Variants in SNAP25 observed in about 807,000 individuals in gnomAD.
SNAP25 encodes the protein synaptosomal-associated protein 25.
Under a neutral mutation model 28.7 loss-of-function variants are expected in SNAP25, and 3 were observed. The observed-to-expected ratio is 0.10, with a 90% CI of 0.05 to 0.27. The LOEUF (loss-of-function observed/expected upper bound fraction) is 0.27, where lower values mean the gene tolerates loss of function less well. Ranked by LOEUF, SNAP25 falls within the 10% of genes least tolerant of loss-of-function variation. The probability of loss-of-function intolerance (pLI) is 1.00; values close to 1 mark genes in which losing one functional copy is unlikely to be tolerated. For synonymous variants in SNAP25, 61 were observed against 88.1 expected (o/e 0.69, Z 1.72); for missense variants, 117 against 278.7 (o/e 0.42, Z 4.13).
At chr20:10,301,923 A>G (rs1385711300) in intron 7 of SNAP25, among the ~76,000 whole-genome samples, 3 of 147,938 alleles carry the variant, frequency 2.0e-5, no homozygotes, top group African/African-American at 7.4e-5. Flanking sequence ...ATATATAAAA[A>G]CCATATATAA....
At chr20:10,249,796 C>T (rs1176514784) in intron 1 of SNAP25, among the ~76,000 whole-genome samples, 1 of 152,126 alleles carries the variant, frequency 6.6e-6, no homozygotes, top group African/African-American at 2.4e-5. Context: ...CCTAGTCTAA[C>T]AAGAACCCTG....
At chr20:10,255,247 A>G (rs1034851338) in intron 1 of SNAP25, among the ~76,000 whole-genome samples, 1 of 152,234 alleles carries the variant, frequency 6.6e-6, no homozygotes, top group African/African-American at 2.4e-5. Context: ...TCACTGGTGT[A>G]GCAAAGCACT....
At chr20:10,292,915 A>G (rs763041525) in intron 4 of SNAP25, 2 of 1,613,032 alleles carry the variant, frequency 1.2e-6, no homozygotes, top group Non-Finnish European at 8.5e-7. Flanking sequence ...GGCATGAACC[A>G]TATCAACCAA....
At position 10,233,677 on chromosome 20, in the gene SNAP25, A is replaced by C. The variant is rs376900786; in HGVS notation, c.-64+14700A>C. ...TCTCTCAAGGTGGAAGAACTGGGCC[A>C]AATATGCTGTTAGGCTGCAAGATTG... On this transcript the variant is annotated intron_variant, in intron 1 of 7. Coordinates refer to ENST00000254976, the MANE Select transcript of SNAP25 (RefSeq NM_130811.4). Among the ~76,000 whole-genome samples the C allele has an allele frequency of 2.0e-5, 3 of 152,334 alleles. No homozygotes were observed. The East Asian group carries it at 5.8e-4, about 29-fold the overall frequency.
intron 1 of SNAP25, among the ~76,000 whole-genome samples, chr20:10,255,620 A>G (rs959025590): frequency 2.6e-5 from 4 of 152,340 alleles, no homozygotes; most frequent in Admixed American, 2.6e-4. Flanking sequence ...TTACTAATGA[A>G]GTACAACTCA....
chr20:10,270,944 T>C (rs756925117), intron 1 of SNAP25, among the ~76,000 whole-genome samples: 3 of 152,206 alleles, frequency 2.0e-5, no homozygotes, highest in Admixed American at 6.5e-5. Flanking sequence ...ATTGAACCCT[T>C]ACTAGGGGTC....
chr20:10,274,859 G>A (rs2063660635), intron 1 of SNAP25, among the ~76,000 whole-genome samples: 2 of 151,956 alleles, frequency 1.3e-5, no homozygotes, highest in South Asian at 4.1e-4. Context: ...ATAAAAAAAA[G>A]AAAGTAGATC....
Position 10,306,508 on chromosome 20 carries a change from A to G in SNAP25, c.*311A>G, listed in dbSNP as rs1416327907. On this transcript the variant is annotated 3_prime_UTR_variant, in exon 8 of 8. Coordinates refer to ENST00000254976, the MANE Select transcript of SNAP25 (RefSeq NM_130811.4). ...AATAACAACAATTTAGGAATGCTCA[A>G]TGTGCTGTTGATTCTTTCAATCCAC... 1.2e-5 allele frequency: 3 copies of G among 250,976 alleles called. No homozygotes were observed. Among genetic ancestry groups the G allele is most frequent in the Non-Finnish European group, 2.3e-5 (3 of 130,282 alleles). 15.5% of individuals were successfully genotyped at this position (250,976 alleles called of 1,614,324 possible).
At chr20:10,223,376 G>A (rs905255932) in intron 1 of SNAP25, among the ~76,000 whole-genome samples, 2 of 152,152 alleles carry the variant, frequency 1.3e-5, no homozygotes, top group African/African-American at 4.8e-5. Context: ...GGAAGAAATG[G>A]CAACGGTAGA....
Position 10,272,485 on chromosome 20 carries a change from G to T in SNAP25, c.-63-2944G>T, listed in dbSNP as rs535034997. Among the ~76,000 whole-genome samples, 5 of 152,180 alleles carry T rather than the reference G, an allele frequency of 3.3e-5. No individual in the cohort carries two copies. The South Asian group carries it at 1.0e-3, about 32-fold the overall frequency. On this transcript the variant is annotated intron_variant, in intron 1 of 7. Transcript: ENST00000254976. ...GCTTTATTCTGGAGGGTAGATCCCC[G>T]GTCACTTGGGAATACTAAAATTTCA...
At chr20:10,276,742 A>G (rs1323158452) in intron 2 of SNAP25, among the ~76,000 whole-genome samples, 1 of 152,226 alleles carries the variant, frequency 6.6e-6, no homozygotes, top group Admixed American at 6.5e-5. Context: ...AATTTACAAT[A>G]AAGAGAGTAT....
In SNAP25 at chr20:10,247,582, G is replaced by A. The variant is rs530413711; in HGVS notation, c.-63-27847G>A. The stretch of plus-strand genomic sequence containing the variant: ...CTTGGCCTATTTTCTTTTGGTAAAG[G>A]ATGTGAAGAGAGCACCTTCCATGAC... On this transcript the variant is annotated intron_variant, in intron 1 of 7. Transcript: ENST00000254976. Among the ~76,000 whole-genome samples the A allele has an allele frequency of 4.6e-5, 7 of 152,230 alleles. No individual in the cohort carries two copies. The South Asian group carries it at 1.5e-3, about 32-fold the overall frequency.
chr20:10,275,634 G>T, intron 2 of SNAP25, 71 bp downstream of exon 2: 1 of 1,294,336 alleles, frequency 7.7e-7, no homozygotes, highest in South Asian at 1.5e-5. Flanking sequence ...TCAGGTTCAG[G>T]TAGGGAAAGC....
intron 1 of SNAP25, among the ~76,000 whole-genome samples, chr20:10,229,487 T>G (rs367974809): frequency 3.9e-5 from 6 of 152,274 alleles, no homozygotes; most frequent in East Asian, 3.9e-4. Context: ...TAGCAGAATC[T>G]GTGCTCCTAA....
In SNAP25 at chr20:10,293,337, A is replaced by C; in HGVS notation, c.281+59A>C. 1 of 1,334,172 alleles carries C rather than the reference A, an allele frequency of 7.5e-7. No homozygotes were observed. The highest frequency in any genetic ancestry group is 1.1e-6 in the Non-Finnish European group (1 of 926,936). The allele number at this position is 1,334,172 out of a possible 1,614,324, so 82.6% of individuals were successfully genotyped here. On this transcript the variant is annotated intron_variant, in intron 5 of 7. Coordinates refer to ENST00000254976, the MANE Select transcript of SNAP25 (RefSeq NM_130811.4). This position sits in a 1 kb window ranked among gnomAD's most constrained non-coding sequence, Gnocchi z 5.6. ...TCCCAAGGCCCATCTCCAAGCCTTG[A>C]CAAGCTCATTCCTGCCAAGCTCATA...
At chr20:10,241,591 G>T (rs115236996) in intron 1 of SNAP25, among the ~76,000 whole-genome samples, 2 of 152,052 alleles carry the variant, frequency 1.3e-5, no homozygotes, top group Non-Finnish European at 2.9e-5. Flanking sequence ...TGAGGTGGTC[G>T]AGAGAGACGG....
chr20:10,286,145 G>A (rs1600758276), intron 4 of SNAP25, among the ~76,000 whole-genome samples: 1 of 152,042 alleles, frequency 6.6e-6, no homozygotes, highest in African/African-American at 2.4e-5. Flanking sequence ...AGTATCTGTC[G>A]GTGGGGAGAC....
intron 2 of SNAP25, among the ~76,000 whole-genome samples, chr20:10,276,227 A>T (rs1200314783): frequency 6.6e-6 from 1 of 152,172 alleles, no homozygotes; most frequent in Non-Finnish European, 1.5e-5. Context: ...AGGCAGGAGG[A>T]TCGCATAGGC....
chr20:10,246,725 GAGA>G (rs1370138789), intron 1 of SNAP25, among the ~76,000 whole-genome samples: 2 of 152,196 alleles, frequency 1.3e-5, no homozygotes, highest in East Asian at 1.9e-4. Context: ...CAAGTGGAGA[GAGA>G]AGGACAGAAG....
Sources: gnomAD v4.1 joint callset for allele counts (sites outside exome capture counted in the v4.1 genomes callset) on GRCh38, gnomAD v4.1.1 for gene constraint, Gnocchi (gnomAD v3.1) non-coding constraint, MANE v1.5 for transcripts, NCBI Gene and HGNC (gene_info 2026-07-23, HGNC 2026-07-21) for gene names.